SLC24A3: variants seen among roughly 807,000 people sequenced by gnomAD.
SLC24A3 encodes the protein sodium/potassium/calcium exchanger 3.
In SLC24A3, 28 loss-of-function variants were observed where a neutral mutation model predicts 75.8. That is an observed-to-expected ratio of 0.37 (90% confidence interval 0.27 to 0.51). The LOEUF (loss-of-function observed/expected upper bound fraction) is 0.51, where lower values mean the gene tolerates loss of function less well. Ranked by LOEUF, SLC24A3 falls within the 20% of genes least tolerant of loss-of-function variation. The probability of loss-of-function intolerance (pLI) is 0.94; values close to 1 mark genes in which losing one functional copy is unlikely to be tolerated. For missense variants in SLC24A3, 663 were observed against 847.8 expected, an observed-to-expected ratio of 0.78 and a Z score of 2.71; for synonymous variants, 372 against 334.1, an observed-to-expected ratio of 1.11 and a Z score of -1.24.
intron 1 of SLC24A3, among the ~76,000 whole-genome samples, chr20:19,223,057 C>T (rs970098107): frequency 3.3e-5 from 5 of 152,054 alleles, no homozygotes; most frequent in Admixed American, 2.0e-4. Flanking sequence ...CTTTGGGAGG[C>T]CGAGGTGGGC....
At chr20:19,519,168 A>G (rs1385588706) in intron 3 of SLC24A3, among the ~76,000 whole-genome samples, 2 of 152,084 alleles carry the variant, frequency 1.3e-5, no homozygotes, top group African/African-American at 2.4e-5. Flanking sequence ...TGGCACCTAC[A>G]CTCAACCTGC....
At chr20:19,280,017 C>G (rs969951232) in intron 1 of SLC24A3, among the ~76,000 whole-genome samples, 1 of 152,296 alleles carries the variant, frequency 6.6e-6, no homozygotes, top group Admixed American at 6.5e-5. Flanking sequence ...CTTTGTGGTA[C>G]TGTAATCTTA....
intron 2 of SLC24A3, among the ~76,000 whole-genome samples, chr20:19,306,183 C>G (rs770188864): frequency 2.0e-5 from 3 of 152,166 alleles, no homozygotes; most frequent in Non-Finnish European, 2.9e-5. Context: ...GATATCATCT[C>G]ACATCAGTCA....
At chr20:19,422,574 C>A (rs1568613733) in intron 2 of SLC24A3, among the ~76,000 whole-genome samples, 1 of 152,144 alleles carries the variant, frequency 6.6e-6, no homozygotes, top group Non-Finnish European at 1.5e-5. Flanking sequence ...TCAACCCTGG[C>A]TGCACATTAA....
At position 19,269,886 on chromosome 20, in the gene SLC24A3, A is replaced by G. The variant is rs149396967; in HGVS notation, c.143-11073A>G. Among the ~76,000 whole-genome samples the G allele has an allele frequency of 2.2e-3, 342 of 152,370 alleles. 3 individuals are homozygous for G. The highest frequency in any genetic ancestry group is 8.1e-3 in the African/African-American group (337 of 41,588). ...CAACGGGGGTTAACTGTAGGTCTAC[A>G]GAGTTATTGCATGAAGAGAAGAACA... On this transcript the variant is annotated intron_variant, in intron 1 of 16. Coordinates refer to ENST00000328041, the MANE Select transcript of SLC24A3 (RefSeq NM_020689.4).
intron 1 of SLC24A3, among the ~76,000 whole-genome samples, chr20:19,261,157 G>A (rs571988899): frequency 2.6e-5 from 4 of 152,236 alleles, no homozygotes; most frequent in African/African-American, 9.6e-5. Flanking sequence ...GGAAAGATGG[G>A]AATTTATTCC....
intron 2 of SLC24A3, among the ~76,000 whole-genome samples, chr20:19,367,705 C>T (rs929560900): frequency 6.6e-6 from 1 of 152,220 alleles, no homozygotes; most frequent in African/African-American, 2.4e-5. Context: ...TAGTTAATTT[C>T]TTCCTTGTTG....
chr20:19,345,737 A>G (rs986915725), intron 2 of SLC24A3, among the ~76,000 whole-genome samples: 11 of 152,068 alleles, frequency 7.2e-5, no homozygotes, highest in Admixed American at 4.6e-4. Context: ...ACCACAATGC[A>G]ATACCACCTC....
rs1356580749 is a variant in SLC24A3 at position 19,679,260 on chromosome 20, G to A, written c.768-2598G>A. ...CACCGTCTGCAATCCCAGCACCTCC[G>A]GAGGCCGAGGCTGGCGGATCACTCG... On this transcript the variant is annotated intron_variant, in intron 9 of 16. Transcript: ENST00000328041. Among the ~76,000 whole-genome samples the A allele has an allele frequency of 5.3e-5, 8 of 152,316 alleles. 1 individual carries two copies. The highest frequency in any genetic ancestry group is 1.7e-4 in the African/African-American group (7 of 41,584).
intron 9 of SLC24A3, among the ~76,000 whole-genome samples, chr20:19,678,429 T>A (rs1408051452): frequency 7.8e-6 from 1 of 128,154 alleles, no homozygotes; most frequent in East Asian, 2.4e-4. Context: ...GAGGCGCCCC[T>A]CACCTCCCGG....
At chr20:19,461,524 T>TTTTTC (rs1568624565) in intron 2 of SLC24A3, among the ~76,000 whole-genome samples, 2 of 140,046 alleles carry the variant, frequency 1.4e-5, no homozygotes, top group African/African-American at 5.2e-5. Context: ...TCTTTTCTTT[T>TTTTTC]TTTTCTTTTT....
At chr20:19,253,951 G>A (rs2122183861) in intron 1 of SLC24A3, among the ~76,000 whole-genome samples, 1 of 152,198 alleles carries the variant, frequency 6.6e-6, no homozygotes, top group African/African-American at 2.4e-5. Flanking sequence ...GTGTAGTGGA[G>A]GCTGTGGTGA....
chr20:19,655,788 G>T (rs1380040566), intron 7 of SLC24A3, among the ~76,000 whole-genome samples: 3 of 152,162 alleles, frequency 2.0e-5, no homozygotes, highest in Admixed American at 6.5e-5. Context: ...TGGCTTCCCT[G>T]GTTCTCAGGC....
chr20:19,687,809 A>G lies in SLC24A3; in HGVS notation c.1324+2448A>G, dbSNP rs6046245. On this transcript the variant is annotated intron_variant, in intron 12 of 16. Coordinates refer to ENST00000328041, the MANE Select transcript of SLC24A3 (RefSeq NM_020689.4). ...GGATGAGAGCTAACTGTGGGGTTTCAAGGTCTTTGAAACTCGTGCTCGCCA... is the reference window on the plus strand; with the variant it reads ...GGATGAGAGCTAACTGTGGGGTTTCGAGGTCTTTGAAACTCGTGCTCGCCA... 1.7e-3 allele frequency among the ~76,000 whole-genome samples: 262 copies of G among 152,132 alleles called. 2 individuals carry two copies. The highest frequency in any genetic ancestry group is 6.1e-3 in the African/African-American group (254 of 41,482).
intron 2 of SLC24A3, among the ~76,000 whole-genome samples, chr20:19,321,333 G>A (rs1984701918): frequency 1.3e-5 from 2 of 152,256 alleles, no homozygotes; most frequent in South Asian, 4.1e-4. Context: ...TTGAGTGATG[G>A]AGCGAACACA....
intron 7 of SLC24A3, among the ~76,000 whole-genome samples, chr20:19,654,707 G>C (rs576750347): frequency 6.8e-6 from 1 of 147,990 alleles, no homozygotes; most frequent in South Asian, 2.2e-4. Context: ...GAGTGCAGTG[G>C]AGTGATCTTG....
chr20:19,221,380 T>A lies in SLC24A3; in HGVS notation c.142+8396T>A, dbSNP rs149861131. ...ATCTTCCCATTGCCCTTCAGCTTCATCCTGCATATTTCTTTTAACTTTCCC... is the reference window on the plus strand; with the variant it reads ...ATCTTCCCATTGCCCTTCAGCTTCAACCTGCATATTTCTTTTAACTTTCCC... On this transcript the variant is annotated intron_variant, in intron 1 of 16. Coordinates refer to ENST00000328041, the MANE Select transcript of SLC24A3 (RefSeq NM_020689.4). 6.9e-4 allele frequency among the ~76,000 whole-genome samples: 105 copies of A among 152,330 alleles called. 1 individual carries two copies. The highest frequency in any genetic ancestry group is 2.1e-3 in the African/African-American group (87 of 41,576).
chr20:19,664,628 TTTG>T (rs1340447053), intron 7 of SLC24A3, among the ~76,000 whole-genome samples: 1 of 152,204 alleles, frequency 6.6e-6, no homozygotes, highest in Non-Finnish European at 1.5e-5. Flanking sequence ...CCATGCCCGC[TTTG>T]TTAACTGAGT....
rs142028283 is a variant in SLC24A3 at position 19,662,689 on chromosome 20, G to A, written c.688-3175G>A. On this transcript the variant is annotated intron_variant, in intron 7 of 16. Transcript: ENST00000328041. ...AATACTTATCTAAGGGATGGGGGAT[G>A]TTGCTTTGATTTCTTTTACTCTCAG... 3.9e-3 allele frequency among the ~76,000 whole-genome samples: 600 copies of A among 152,370 alleles called. 2 individuals are homozygous for A. The highest frequency in any genetic ancestry group is 0.014 in the African/African-American group (581 of 41,598).
Sources: gnomAD v4.1 joint callset for allele counts (sites outside exome capture counted in the v4.1 genomes callset) on GRCh38, gnomAD v4.1.1 for gene constraint, MANE v1.5 for transcripts, NCBI Gene and HGNC (gene_info 2026-07-23, HGNC 2026-07-21) for gene names.